ACSS3: variants seen among roughly 807,000 people sequenced by gnomAD.
ACSS3 encodes the protein acyl-CoA synthetase short-chain family member 3, mitochondrial.
ACSS3 carries 64 observed loss-of-function variants against 84.2 expected under a neutral mutation model. The ratio of observed to expected loss-of-function variants is 0.76; its 90% CI spans 0.62 to 0.94. ACSS3 has a LOEUF of 0.94. ACSS3 is among the 40% of genes least tolerant of loss of function. ACSS3 has a pLI of 0.00. For synonymous variants in ACSS3, 317 were observed against 310.1 expected (o/e 1.02, Z -0.23); for missense variants, 815 against 867.6 (o/e 0.94, Z 0.76).
chr12:81,210,380 A>G (rs571878432), intron 9 of ACSS3, among the ~76,000 whole-genome samples: 1 of 152,320 alleles, frequency 6.6e-6, no homozygotes, highest in South Asian at 2.1e-4. Context: ...GATTCCATCA[A>G]AAGGTGATAT....
intron 2 of ACSS3, among the ~76,000 whole-genome samples, chr12:81,116,329 A>G (rs2121524832): frequency 6.6e-6 from 1 of 152,190 alleles, no homozygotes; most frequent in South Asian, 2.1e-4. Flanking sequence ...AAATGATGAA[A>G]CAACAGTTTA....
intron 7 of ACSS3, among the ~76,000 whole-genome samples, chr12:81,161,256 A>G (rs959579286): frequency 1.3e-5 from 2 of 152,218 alleles, no homozygotes; most frequent in East Asian, 1.9e-4. Flanking sequence ...AAAAGAAATC[A>G]GCATACAGGG....
intron 4 of ACSS3, among the ~76,000 whole-genome samples, chr12:81,141,741 T>C (rs1886103107): frequency 6.6e-6 from 1 of 152,228 alleles, no homozygotes; most frequent in South Asian, 2.1e-4. Context: ...ATCTCTGTGT[T>C]GTCAAAAGTT....
intron 1 of ACSS3, among the ~76,000 whole-genome samples, chr12:81,096,391 A>G (rs1244190247): frequency 1.3e-5 from 2 of 152,218 alleles, no homozygotes; most frequent in Non-Finnish European, 1.5e-5. Flanking sequence ...TACAGAAAGC[A>G]GAGAGTCTGG....
intron 9 of ACSS3, among the ~76,000 whole-genome samples, chr12:81,210,588 C>G (rs1326293163): frequency 6.6e-6 from 1 of 152,086 alleles, no homozygotes; most frequent in Non-Finnish European, 1.5e-5. Context: ...TAGCTGATTC[C>G]AATATATACC....
intron 1 of ACSS3, among the ~76,000 whole-genome samples, chr12:81,081,843 T>A (rs1880997141): frequency 6.6e-6 from 1 of 152,236 alleles, no homozygotes; most frequent in Non-Finnish European, 1.5e-5. Flanking sequence ...GGCTAACATT[T>A]CTGTAGTCAA....
chr12:81,217,980 C>T (rs2032982204), intron 10 of ACSS3, among the ~76,000 whole-genome samples: 1 of 152,034 alleles, frequency 6.6e-6, no homozygotes. Flanking sequence ...ACAGTAGTAA[C>T]CATTATTATT....
intron 1 of ACSS3, among the ~76,000 whole-genome samples, chr12:81,079,850 TG>T (rs551488853): frequency 1.1e-3 from 165 of 152,300 alleles, no homozygotes; most frequent in African/African-American, 3.8e-3. Context: ...TGGAAATAAT[TG>T]GAGGCTTAAC....
intron 3 of ACSS3, among the ~76,000 whole-genome samples, chr12:81,135,377 A>G (rs933476707): frequency 6.7e-5 from 9 of 134,156 alleles, no homozygotes; most frequent in Non-Finnish European, 1.1e-4. Context: ...CACATTATAT[A>G]TAATATATAA....
At chr12:81,111,891 G>C (rs1239981087) in intron 2 of ACSS3, among the ~76,000 whole-genome samples, 2 of 152,124 alleles carry the variant, frequency 1.3e-5, no homozygotes, top group Non-Finnish European at 2.9e-5. Flanking sequence ...TAAGAATGGG[G>C]TTCAAATGCT....
chr12:81,095,391 C>A (rs1260751098), intron 1 of ACSS3, among the ~76,000 whole-genome samples: 2 of 152,150 alleles, frequency 1.3e-5, no homozygotes, highest in African/African-American at 4.8e-5. Context: ...ATGTTTTTAT[C>A]TTTTACTTTG....
intron 5 of ACSS3, among the ~76,000 whole-genome samples, chr12:81,151,381 T>G (rs1050983775): frequency 6.6e-6 from 1 of 152,190 alleles, no homozygotes; most frequent in Non-Finnish European, 1.5e-5. Flanking sequence ...CCAGTTAGAA[T>G]ATGACTTTGT....
chr12:81,224,726 T>A (rs2033216048), intron 11 of ACSS3, among the ~76,000 whole-genome samples: 1 of 151,880 alleles, frequency 6.6e-6, no homozygotes, highest in Admixed American at 6.6e-5. Flanking sequence ...CCTTTTAAAT[T>A]GCACACCATT....
intron 13 of ACSS3, among the ~76,000 whole-genome samples, chr12:81,250,646 CAA>C (rs2034124421): frequency 6.6e-6 from 1 of 151,942 alleles, no homozygotes; most frequent in Non-Finnish European, 1.5e-5. Flanking sequence ...GGTTAGGTGA[CAA>C]AATATGTGGG....
intron 8 of ACSS3, among the ~76,000 whole-genome samples, chr12:81,180,082 AT>A (rs2135839208): frequency 6.6e-6 from 1 of 152,336 alleles, no homozygotes; most frequent in East Asian, 1.9e-4. Flanking sequence ...CTTCATGGCA[AT>A]ATGGATAGAG....
At chr12:81,190,944 A>T (rs1043220956) in intron 8 of ACSS3, among the ~76,000 whole-genome samples, 1 of 151,962 alleles carries the variant, frequency 6.6e-6, no homozygotes, top group African/African-American at 2.4e-5. Flanking sequence ...AAATAAATAC[A>T]TCTTGGTTAA....
rs1883277825 is a variant in ACSS3, at chr12:81,108,453, A to T, written c.312-1107A>T. On this transcript the variant is annotated intron_variant, in intron 1 of 15. Transcript: ENST00000548058. The stretch of plus-strand genomic sequence containing the variant: ...TCACCATGCCTGGTTAATTTTTTGT[A>T]TTTTTAGTAAAGACAGGGTTTCACC... Among the ~76,000 whole-genome samples, 3 of 151,678 alleles carry T rather than the reference A, an allele frequency of 2.0e-5. No homozygotes were observed. The South Asian group carries it at 6.3e-4, about 32-fold the overall frequency.
chr12:81,146,953 G>T (rs1295756909), intron 5 of ACSS3, among the ~76,000 whole-genome samples: 6 of 151,998 alleles, frequency 3.9e-5, no homozygotes, highest in Admixed American at 3.9e-4. Context: ...ACAAGAAAGT[G>T]GTAGATAAGG....
chr12:81,183,235 G>A (rs762207066), intron 8 of ACSS3, among the ~76,000 whole-genome samples: 1 of 152,082 alleles, frequency 6.6e-6, no homozygotes, highest in Non-Finnish European at 1.5e-5. Flanking sequence ...TTCTACAAGC[G>A]GCAAACAGCC....
Sources: gnomAD v4.1 joint callset for allele counts (sites outside exome capture counted in the v4.1 genomes callset) on GRCh38, gnomAD v4.1.1 for gene constraint, MANE v1.5 for transcripts, NCBI Gene and HGNC (gene_info 2026-07-23, HGNC 2026-07-21) for gene names.